SHANK2: variants seen among roughly 807,000 people sequenced by gnomAD.
SHANK2 encodes SH3 and multiple ankyrin repeat domains 2, also known as SH3 and multiple ankyrin repeat domains protein 2.
In SHANK2, 43 loss-of-function variants were observed where a neutral mutation model predicts 133.7. The ratio of observed to expected loss-of-function variants is 0.32; its 90% CI spans 0.25 to 0.41. The LOEUF is 0.41. Ranked by LOEUF, SHANK2 falls within the 10% of genes least tolerant of loss-of-function variation. SHANK2 has a pLI of 1.00. For synonymous variants in SHANK2, 1,017 were observed against 952.8 expected, an observed-to-expected ratio of 1.07 and a Z score of -1.24; for missense variants, 1,994 against 2,235.8, an observed-to-expected ratio of 0.89 and a Z score of 2.18.
intron 2 of SHANK2, among the ~76,000 whole-genome samples, chr11:71,216,935 G>A (rs1284051254): frequency 2.6e-5 from 4 of 152,196 alleles, no homozygotes; most frequent in Non-Finnish European, 5.9e-5. Context: ...AGTGGCTCAC[G>A]CCTGCAATCC....
At chr11:71,073,349 G>A (rs1462258083) in intron 9 of SHANK2, among the ~76,000 whole-genome samples, 2 of 151,438 alleles carry the variant, frequency 1.3e-5, no homozygotes, top group Admixed American at 1.3e-4. Context: ...AGTAGAGATG[G>A]TGTTTCACCA....
chr11:71,100,780 T>A (rs1051723523), intron 6 of SHANK2, among the ~76,000 whole-genome samples: 6 of 151,510 alleles, frequency 4.0e-5, no homozygotes, highest in African/African-American at 1.5e-4. Context: ...GGCAGGAGAA[T>A]TGCTTGAACC....
chr11:70,772,116 G>A (rs1322179559), intron 14 of SHANK2, among the ~76,000 whole-genome samples: 1 of 152,112 alleles, frequency 6.6e-6, no homozygotes, highest in Non-Finnish European at 1.5e-5. Context: ...CAAGCATGGG[G>A]CCCGTGTAAC....
intron 2 of SHANK2, among the ~76,000 whole-genome samples, chr11:71,198,953 T>C (rs1000936971): frequency 7.9e-5 from 12 of 152,258 alleles, no homozygotes; most frequent in Non-Finnish European, 1.2e-4. Flanking sequence ...ACCAGGCCCA[T>C]TTCCTCGAAT....
At chr11:70,504,712 T>C (rs1464401705) in intron 17 of SHANK2, among the ~76,000 whole-genome samples, 1 of 152,070 alleles carries the variant, frequency 6.6e-6, no homozygotes, top group Non-Finnish European at 1.5e-5. Flanking sequence ...GCTGTTCCTT[T>C]CACTGAGGTT....
At chr11:70,752,121 T>C (rs1946760196) in intron 14 of SHANK2, among the ~76,000 whole-genome samples, 1 of 152,096 alleles carries the variant, frequency 6.6e-6, no homozygotes, top group Non-Finnish European at 1.5e-5. Context: ...ACTTCTTTAT[T>C]ATTTTTTTGT....
chr11:70,575,814 T>TG (rs2060108920), intron 17 of SHANK2, among the ~76,000 whole-genome samples: 1 of 151,452 alleles, frequency 6.6e-6, no homozygotes, highest in South Asian at 2.1e-4. Context: ...GTGGCAAACT[T>TG]GGGGGGCGTG....
chr11:70,747,611 G>A (rs1163499880), intron 14 of SHANK2, among the ~76,000 whole-genome samples: 1 of 152,064 alleles, frequency 6.6e-6, no homozygotes, highest in African/African-American at 2.4e-5. Context: ...GTTTGGGTGG[G>A]GCTGACCTGG....
At chr11:71,085,650 TTATATATTATATTA>T (rs1951377554) in intron 8 of SHANK2, among the ~76,000 whole-genome samples, 1 of 25,348 alleles carries the variant, frequency 3.9e-5, no homozygotes, top group Non-Finnish European at 9.5e-5. Flanking sequence ...ATATATTATG[TTATATATTATATTA>T]TATATGTTAT....
intron 14 of SHANK2, among the ~76,000 whole-genome samples, chr11:70,712,138 C>T (rs116077703): frequency 1.5e-3 from 231 of 152,324 alleles, no homozygotes; most frequent in African/African-American, 5.1e-3. Flanking sequence ...CCAGAGGCTG[C>T]GGTGTTCCTC....
At chr11:70,767,015 G>A (rs1425365048) in intron 14 of SHANK2, among the ~76,000 whole-genome samples, 1 of 152,236 alleles carries the variant, frequency 6.6e-6, no homozygotes, top group Non-Finnish European at 1.5e-5. Flanking sequence ...CAGGCCTACT[G>A]TGTGCCAGGC....
At chr11:70,532,636 T>TG (rs1303781521) in intron 17 of SHANK2, among the ~76,000 whole-genome samples, 1 of 144,070 alleles carries the variant, frequency 6.9e-6, no homozygotes, top group African/African-American at 2.6e-5. Context: ...CCATTGTCCA[T>TG]GGAAAAAAAA....
At chr11:71,208,035 T>C (rs1209535177) in intron 2 of SHANK2, among the ~76,000 whole-genome samples, 4 of 151,846 alleles carry the variant, frequency 2.6e-5, no homozygotes, top group African/African-American at 9.7e-5. Context: ...CAAGAAAAGC[T>C]TTTAAGGGCC....
At chr11:70,794,018 T>TGGGA (rs1555048581) in intron 14 of SHANK2, among the ~76,000 whole-genome samples, 10 of 152,332 alleles carry the variant, frequency 6.6e-5, no homozygotes, top group Middle Eastern at 3.4e-3. Context: ...TGGTGGATCA[T>TGGGA]GCCTGTAATC....
At chr11:71,162,001 G>C (rs1953029325) in intron 2 of SHANK2, among the ~76,000 whole-genome samples, 1 of 152,214 alleles carries the variant, frequency 6.6e-6, no homozygotes, top group African/African-American at 2.4e-5. Flanking sequence ...CTAAGCCATT[G>C]CAACAGCCTC....
intron 11 of SHANK2, among the ~76,000 whole-genome samples, chr11:70,895,800 T>G (rs755715748): frequency 6.6e-6 from 1 of 152,100 alleles, no homozygotes; most frequent in African/African-American, 2.4e-5. Flanking sequence ...GCTTGATGCT[T>G]AGCACATTCT....
chr11:70,677,815 T>A (rs782456136), intron 15 of SHANK2, among the ~76,000 whole-genome samples: 1 of 152,218 alleles, frequency 6.6e-6, no homozygotes, highest in Non-Finnish European at 1.5e-5. Context: ...GGTCCTTGCG[T>A]ACCCATTTCC....
chr11:70,632,506 T>C (rs2061007666), intron 17 of SHANK2, among the ~76,000 whole-genome samples: 1 of 152,178 alleles, frequency 6.6e-6, no homozygotes, highest in Admixed American at 6.5e-5. Flanking sequence ...CCCACCTCTC[T>C]GGTTCAACCA....
chr11:70,506,649 C>A (rs1554968456), intron 17 of SHANK2, among the ~76,000 whole-genome samples: 1 of 152,192 alleles, frequency 6.6e-6, no homozygotes, highest in African/African-American at 2.4e-5. Context: ...GACGAGCTTC[C>A]CTGCAGTCCC....
Sources: gnomAD v4.1 joint callset for allele counts (sites outside exome capture counted in the v4.1 genomes callset) on GRCh38, gnomAD v4.1.1 for gene constraint, MANE v1.5 for transcripts, NCBI Gene and HGNC (gene_info 2026-07-23, HGNC 2026-07-21) for gene names.